PAX2: variants seen among roughly 807,000 people sequenced by gnomAD.
PAX2 encodes the protein paired box protein Pax-2.
In PAX2, 9 loss-of-function variants were observed where a neutral mutation model predicts 41.7. The ratio of observed to expected loss-of-function variants is 0.22; its 90% CI spans 0.13 to 0.38. The LOEUF is 0.38. PAX2 is among the 10% of genes least tolerant of loss of function. The pLI, the probability that PAX2 is intolerant of heterozygous loss-of-function variation, is 1.00. For synonymous variants in PAX2, 221 were observed against 212.7 expected (o/e 1.04, Z -0.34); for missense variants, 418 against 531.6 (o/e 0.79, Z 2.10).
chr10:100,742,768 C>G (rs1202025984), upstream of PAX2, among the ~76,000 whole-genome samples: 1 of 147,176 alleles, frequency 6.8e-6, no homozygotes, highest in Non-Finnish European at 1.5e-5. Flanking sequence ...CCTGACAGGT[C>G]GGAGCCCGGG....
intron 7 of PAX2, among the ~76,000 whole-genome samples, chr10:100,817,691 G>A (rs1294034914): frequency 6.6e-6 from 1 of 152,192 alleles, no homozygotes; most frequent in Non-Finnish European, 1.5e-5. Flanking sequence ...CTGGAACCTG[G>A]AGCAGGCAAG....
chr10:100,796,079 T>C (rs1418656732), intron 5 of PAX2, among the ~76,000 whole-genome samples: 1 of 152,200 alleles, frequency 6.6e-6, no homozygotes, highest in African/African-American at 2.4e-5. Context: ...TGGTCCCCGC[T>C]TCCATCTGTC....
intron 5 of PAX2, among the ~76,000 whole-genome samples, chr10:100,783,517 C>T (rs1846718540): frequency 6.6e-6 from 1 of 152,166 alleles, no homozygotes; most frequent in African/African-American, 2.4e-5. Context: ...GCCTTGTGAC[C>T]AGAAGGCCCT....
rs1485373171 is a variant in PAX2 at position 100,829,421 on chromosome 10, C to A, written c.*1802C>A. 9.7e-6 allele frequency: 2 copies of A among 206,050 alleles called. No individual in the cohort carries two copies. The highest frequency in any genetic ancestry group is 2.0e-5 in the Non-Finnish European group (2 of 100,496). The allele number at this position is 206,050 out of a possible 1,614,324, so 12.8% of individuals were successfully genotyped here. On this transcript the variant is annotated 3_prime_UTR_variant, in exon 10 of 10. Coordinates refer to ENST00000355243, the MANE Select transcript of PAX2 (RefSeq NM_000278.5). ...GGCTCGCCCCCTCGCGGGCGTGCCC[C>A]GCGCGCCCCGGGCGGCCGAAGGCCG...
chr10:100,765,562 ATCCTGAAAGC>A (rs1845990938), intron 3 of PAX2, among the ~76,000 whole-genome samples: 1 of 152,244 alleles, frequency 6.6e-6, no homozygotes, highest in South Asian at 2.1e-4. Context: ...CAAAATTAGA[ATCCTGAAAGC>A]TCAATCATCC....
chr10:100,797,522 C>CCTCCCCAGTAAAAAGGGATTAAAATCCCT (rs1847381744), intron 5 of PAX2, among the ~76,000 whole-genome samples: 1 of 152,188 alleles, frequency 6.6e-6, no homozygotes, highest in Admixed American at 6.5e-5. Context: ...GTAAGATTAT[C>CCTCCCCAGTAAAAAGGGATTAAAATCCCT]AGAGGAGTGC....
chr10:100,766,731 G>A (rs1158278651), intron 3 of PAX2, among the ~76,000 whole-genome samples: 1 of 152,074 alleles, frequency 6.6e-6, no homozygotes, highest in Non-Finnish European at 1.5e-5. Flanking sequence ...AAATGACCAG[G>A]CCAGAGTAAG....
intron 3 of PAX2, among the ~76,000 whole-genome samples, chr10:100,771,590 AGTAGGG>A (rs1564717977): frequency 6.6e-6 from 1 of 152,136 alleles, no homozygotes; most frequent in Non-Finnish European, 1.5e-5. Flanking sequence ...AGTTCTCAGG[AGTAGGG>A]ACCATTTCCA....
intron 7 of PAX2, among the ~76,000 whole-genome samples, chr10:100,811,502 T>A (rs1387070196): frequency 6.6e-6 from 1 of 152,234 alleles, no homozygotes; most frequent in Non-Finnish European, 1.5e-5. Context: ...TAGTGAGCAG[T>A]GATGCAAGGA....
intron 1 of PAX2, among the ~76,000 whole-genome samples, chr10:100,739,410 C>T (rs1844876760): frequency 6.6e-6 from 1 of 152,212 alleles, no homozygotes; most frequent in Non-Finnish European, 1.5e-5. Flanking sequence ...TCCTCACATC[C>T]ACACAGCTGC....
intron 5 of PAX2, among the ~76,000 whole-genome samples, chr10:100,783,775 T>C (rs1589851299): frequency 6.6e-6 from 1 of 150,520 alleles, no homozygotes; most frequent in East Asian, 2.0e-4. Context: ...ACCAGGGCCA[T>C]GTTGCAGGAA....
chr10:100,810,149 C>A (rs953971627), intron 7 of PAX2, among the ~76,000 whole-genome samples: 2 of 152,156 alleles, frequency 1.3e-5, no homozygotes, highest in Non-Finnish European at 2.9e-5. Context: ...GCGTTACCTG[C>A]AGAGCGAGGC....
At chr10:100,746,764 T>G (rs933652291) in intron 1 of PAX2, among the ~76,000 whole-genome samples, 3 of 152,152 alleles carry the variant, frequency 2.0e-5, no homozygotes, top group African/African-American at 7.2e-5. Context: ...TCCCCACATC[T>G]TTATCTTTCT....
chr10:100,742,843 C>CATTTTTT (rs1845014342), upstream of PAX2, among the ~76,000 whole-genome samples: 1 of 41,206 alleles, frequency 2.4e-5, no homozygotes, highest in South Asian at 1.1e-3. Context: ...TTCTTTCTTC[C>CATTTTTT]TTTTTTTTTT....
chr10:100,780,417 C>T (rs1846572308), intron 4 of PAX2, among the ~76,000 whole-genome samples: 1 of 152,166 alleles, frequency 6.6e-6, no homozygotes. Context: ...ATTTTTCCTG[C>T]TGCTCCTCTT....
intron 3 of PAX2, among the ~76,000 whole-genome samples, chr10:100,756,126 A>G (rs1455591466): frequency 6.6e-6 from 1 of 152,172 alleles, no homozygotes; most frequent in Non-Finnish European, 1.5e-5. Flanking sequence ...TACAGCTTCT[A>G]CAGAAAGAGG....
At chr10:100,796,405 T>C (rs1033170256) in intron 5 of PAX2, among the ~76,000 whole-genome samples, 15 of 152,266 alleles carry the variant, frequency 9.9e-5, no homozygotes, top group Admixed American at 9.8e-4. Flanking sequence ...TTTTAATGGC[T>C]GCATAATCTT....
chr10:100,825,141 A>C (rs564471177), intron 8 of PAX2, among the ~76,000 whole-genome samples: 1 of 152,014 alleles, frequency 6.6e-6, no homozygotes, highest in Non-Finnish European at 1.5e-5. Context: ...GCCAAGAACC[A>C]TTTCCAGGGG....
chr10:100,817,459 C>A (rs1848228823), intron 7 of PAX2, among the ~76,000 whole-genome samples: 1 of 152,070 alleles, frequency 6.6e-6, no homozygotes, highest in African/African-American at 2.4e-5. Flanking sequence ...CCTGAGCCAA[C>A]AGGCTACACA....
Sources: gnomAD v4.1 joint callset for allele counts (sites outside exome capture counted in the v4.1 genomes callset) on GRCh38, gnomAD v4.1.1 for gene constraint, MANE v1.5 for transcripts, NCBI Gene and HGNC (gene_info 2026-07-23, HGNC 2026-07-21) for gene names.